FGL2: variants seen among roughly 807,000 people sequenced by gnomAD.
FGL2 encodes fibroleukin.
Under a neutral mutation model 36.0 loss-of-function variants are expected in FGL2, and 21 were observed. That is an observed-to-expected ratio of 0.58 (90% CI 0.41 to 0.84). FGL2 has a LOEUF of 0.84. Among genes scored for constraint, FGL2 ranks in the 40% least tolerant of loss-of-function variants. The probability of loss-of-function intolerance (pLI) is 0.00; values close to 1 mark genes in which losing one functional copy is unlikely to be tolerated. For missense variants in FGL2, 444 were observed against 526.3 expected (o/e 0.84, Z 1.53); for synonymous variants, 183 against 190.7 (o/e 0.96, Z 0.33).
chr7:77,197,081 A>G, intron 1 of FGL2, 96 bp from the exon 2 acceptor site: 1 of 751,896 alleles, frequency 1.3e-6, no homozygotes, highest in Non-Finnish European at 2.2e-6. Context: ...TGATAATTGA[A>G]TCAATGGCAG....
intron 1 of FGL2, 29 bp downstream of exon 1, chr7:77,199,152 A>G (rs762561756): frequency 6.3e-7 from 1 of 1,579,720 alleles, no homozygotes; most frequent in Non-Finnish European, 8.6e-7. Flanking sequence ...ATTTATGAAC[A>G]TATGATAAGA....
In FGL2 at chr7:77,196,205, G is replaced by T; in HGVS notation, c.*74C>A. 9.6e-7 allele frequency: 1 copy of T among 1,043,072 alleles called. No individual in the cohort carries two copies. 64.6% of individuals were successfully genotyped at this position (1,043,072 alleles called of 1,614,324 possible). On this transcript the variant is annotated 3_prime_UTR_variant, in exon 2 of 2. Coordinates refer to ENST00000248598, the MANE Select transcript of FGL2 (RefSeq NM_006682.3). The surrounding 1 kb of genome is among the most constrained non-coding windows in gnomAD (Gnocchi z 4.2). ...TTTAGCTATGAAAAATATGAAACAAGGCATATTCTAAAGTGCTGAAGGAAT... is the reference window on the plus strand; with the variant it reads ...TTTAGCTATGAAAAATATGAAACAATGCATATTCTAAAGTGCTGAAGGAAT...
chr7:77,199,607 G>T lies in FGL2; in HGVS notation c.187C>A (p.Pro63Thr). The change falls in exon 1 of 2, where the codon CCC becomes ACC. Residue 63 changes from proline to threonine, a missense_variant. Physicochemically the swap from Pro to Thr is conservative, Grantham distance 38. Transcript: ENST00000248598. ...TGCTTCGGGAGCTGAATAGTCAAGG[G>T]GGGCAGGCTTACCTGGTAGGGGCAC... ...GECPYQVSLP[P>T]LTIQLPKQFS... is the part of the protein sequence containing the mutation. 2.5e-6 allele frequency: 4 copies of T among 1,614,146 alleles called. No homozygotes were observed. The highest frequency in any genetic ancestry group is 3.4e-6 in the Non-Finnish European group (4 of 1,180,018).
At chr7:77,197,969 A>G (rs1225147495) in intron 1 of FGL2, among the ~76,000 whole-genome samples, 1 of 152,204 alleles carries the variant, frequency 6.6e-6, no homozygotes, top group East Asian at 1.9e-4. Context: ...AATATGAGAT[A>G]CCCTAAGGCA....
intron 1 of FGL2, chr7:77,198,364 A>C: frequency 1.0e-6 from 1 of 967,848 alleles, no homozygotes; most frequent in African/African-American, 1.8e-5. Context: ...AGTATGAGAC[A>C]GTCAGCAACA....
At chr7:77,198,883 C>T (rs1191768175) in intron 1 of FGL2, 1 of 442,934 alleles carries the variant, frequency 2.3e-6, no homozygotes, top group Non-Finnish European at 4.0e-6. Context: ...AAGTTAAATG[C>T]ACTAAAACAT....
Position 77,199,277 on chromosome 7 carries a change from CAT to C in FGL2, c.515_516del (p.Tyr172CysfsTer2). On this transcript the variant is annotated frameshift_variant, in exon 1 of 2. Transcript: ENST00000248598. LOFTEE classifies it high-confidence loss of function. ...NLVNMNNIENYVDSKVANLTF... is the reference protein window; with the variant it reads ...NLVNMNNIENXVDSKVANLTF... The stretch of plus-strand genomic sequence containing the variant: ...GTTAGATTTGCCACTTTGCTGTCAA[CAT>C]AATTTTCTATGTTGTTCATATTTAC... The C allele has an allele frequency of 6.2e-7, 1 of 1,614,112 alleles. No homozygotes were observed. The highest frequency in any genetic ancestry group is 8.5e-7 in the Non-Finnish European group (1 of 1,179,980).
In FGL2 at chr7:77,196,965, CTT is replaced by C; in HGVS notation, c.632_633del (p.Lys211ArgfsTer4). 1 of 1,605,444 alleles carries C rather than the reference CTT, an allele frequency of 6.2e-7. No homozygotes were observed. Among genetic ancestry groups the C allele is most frequent in the Non-Finnish European group, 8.5e-7 (1 of 1,175,280 alleles). ...QSRPVQHLIY[K>X]DCSDYYAIGK... is the part of the protein sequence containing the mutation. ...CCTATTGCGTAGTAGTCAGAGCAAT[CTT>C]TATATATTAGATGTTGAACTGAAGG... On this transcript the variant is annotated frameshift_variant, in exon 2 of 2. Coordinates refer to ENST00000248598, the MANE Select transcript of FGL2 (RefSeq NM_006682.3). LOFTEE classifies it high-confidence loss of function. This position sits in a 1 kb window ranked among gnomAD's most constrained non-coding sequence, Gnocchi z 4.2.
In FGL2 at chr7:77,193,489, G is replaced by T. The variant is rs1791808466; in HGVS notation, c.*2790C>A. On this transcript the variant is annotated 3_prime_UTR_variant, in exon 2 of 2. Transcript: ENST00000248598. The stretch of plus-strand genomic sequence containing the variant: ...AAACCTAATTATACATAAAAGAAAA[G>T]AATTTTAAACAAGAGCTTATTGTGA... The T allele has an allele frequency of 2.0e-5, 3 of 152,080 alleles. No individual in the cohort carries two copies. The highest frequency in any genetic ancestry group is 2.0e-4 in the Admixed American group (3 of 15,282). 9.4% of individuals were successfully genotyped at this position (152,080 alleles called of 1,614,324 possible). A position where few individuals can be genotyped will look rare whatever the true frequency, so the allele number is the denominator to read the frequency against.
Position 77,196,305 on chromosome 7 carries a change from T to G in FGL2, c.1294A>C (p.Ile432Leu), listed in dbSNP as rs1439023889. ...KSSFKEAKMM[I>L]RPKHFKP Reference sequence around the variant, plus strand: ...TATGGCTTAAAGTGCTTGGGTCTGATCATCATCTTAGCCTCTTTGAAGGAG... The same window carrying G: ...TATGGCTTAAAGTGCTTGGGTCTGAGCATCATCTTAGCCTCTTTGAAGGAG... The change falls in exon 2 of 2, where the codon ATC (isoleucine) becomes CTC (leucine). Residue 432 changes from isoleucine (I) to leucine (L), a missense_variant. Physicochemically the swap from Ile to Leu is conservative, Grantham distance 5. Coordinates refer to ENST00000248598, the MANE Select transcript of FGL2 (RefSeq NM_006682.3). The surrounding 1 kb of genome is among the most constrained non-coding windows in gnomAD (Gnocchi z 4.2). 22 of 1,613,832 alleles carry G rather than the reference T, an allele frequency of 1.4e-5. No homozygotes were observed. Among genetic ancestry groups the G allele is most frequent in the Non-Finnish European group, 1.8e-5 (21 of 1,179,938 alleles).
In FGL2 at chr7:77,199,579, A is replaced by T; in HGVS notation, c.215T>A (p.Phe72Tyr). The stretch of plus-strand genomic sequence containing the variant: ...TTTGAACACCTCCTCGATCCTGCTG[A>T]ATTGCTTCGGGAGCTGAATAGTCAA... ...PPLTIQLPKQ[F>Y]SRIEEVFKEV... Residue 72 changes from phenylalanine to tyrosine, a missense_variant, in exon 1 of 2, where the codon TTC (phenylalanine) becomes TAC (tyrosine). Transcript: ENST00000248598. 6.2e-7 allele frequency: 1 copy of T among 1,614,102 alleles called. No individual in the cohort carries two copies. Among genetic ancestry groups the T allele is most frequent in the Non-Finnish European group, 8.5e-7 (1 of 1,180,016 alleles).
rs374948665 is a variant in FGL2 at position 77,195,399 on chromosome 7, G to A, written c.*880C>T. ...ACATTATGCTACCACATTTTTAAAC[G>A]GTTTAAATGACAAGTATTTTATATT... On this transcript the variant is annotated 3_prime_UTR_variant, in exon 2 of 2. Coordinates refer to ENST00000248598, the MANE Select transcript of FGL2 (RefSeq NM_006682.3). The A allele has an allele frequency of 2.0e-5, 3 of 151,970 alleles. No homozygotes were observed. Among genetic ancestry groups the A allele is most frequent in the Non-Finnish European group, 2.9e-5 (2 of 68,000 alleles). 9.4% of individuals were successfully genotyped at this position (151,970 alleles called of 1,614,324 possible). A position where few individuals can be genotyped will look rare whatever the true frequency, so the allele number is the denominator to read the frequency against.
In FGL2 at chr7:77,197,003, G is replaced by A. The variant is rs1182220748; in HGVS notation, c.614-18C>T. Reference sequence around the variant, plus strand: ...ATGTTGAACTGAAGGGGAAATAAAAGGAAGGCATTGGATCTTGTTAATAGA... The same window carrying A: ...ATGTTGAACTGAAGGGGAAATAAAAAGAAGGCATTGGATCTTGTTAATAGA... On this transcript the variant is annotated intron_variant, in intron 1 of 1. Coordinates refer to ENST00000248598, the MANE Select transcript of FGL2 (RefSeq NM_006682.3). 1.4e-6 allele frequency: 2 copies of A among 1,433,056 alleles called. No homozygotes were observed. Among genetic ancestry groups the A allele is most frequent in the Non-Finnish European group, 1.9e-6 (2 of 1,034,210 alleles). The allele number at this position is 1,433,056 out of a possible 1,614,324, so 88.8% of individuals were successfully genotyped here.
At chr7:77,198,423 C>T in intron 1 of FGL2, 2 of 459,522 alleles carry the variant, frequency 4.4e-6, no homozygotes, top group Non-Finnish European at 5.7e-6. Context: ...GAGTCAATAC[C>T]ACTGTTAGTT....
Position 77,196,849 on chromosome 7 carries a change from G to T in FGL2, c.750C>A (p.Gly250=). The change falls in exon 2 of 2, where the codon GGC becomes GGA. Residue 250 remains glycine (G), a synonymous_variant. Transcript: ENST00000248598. The surrounding 1 kb of genome is among the most constrained non-coding windows in gnomAD (Gnocchi z 4.2). ...CGAGACGTGCCTGCAGCACTGTCCA[G>T]CCTCCCCCCATGGTCTCCATGTCAC... The part of the protein sequence containing the change: ...VYCDMETMGG[G]WTVLQARLDG... The T allele has an allele frequency of 6.2e-7, 1 of 1,613,768 alleles. No homozygotes were observed. The highest frequency in any genetic ancestry group is 8.5e-7 in the Non-Finnish European group (1 of 1,179,940).
chr7:77,198,148 T>C, intron 1 of FGL2: 1 of 985,450 alleles, frequency 1.0e-6, no homozygotes, highest in Non-Finnish European at 1.2e-6. Context: ...GGATTCGCAG[T>C]GTGCCAGGTA....
chr7:77,198,614 T>C (rs1375840744), intron 1 of FGL2: 1 of 152,798 alleles, frequency 6.5e-6, no homozygotes, highest in Non-Finnish European at 1.5e-5. Flanking sequence ...CCCCTTAAAA[T>C]ATTTTTTGTG....
In FGL2 at chr7:77,196,704, T is replaced by G. The variant is rs762149169; in HGVS notation, c.895A>C (p.Ile299Leu). The G allele has an allele frequency of 2.5e-6, 4 of 1,614,088 alleles. No homozygotes were observed. In the African/African-American group the frequency reaches 4.0e-5, roughly 16 times the overall value. ...IHLLTKSKEM[I>L]LRIDLEDFNG... ...AAGTCTTCAAGATCTATTCTCAGAATCATTTCCTTACTCTTGGTCAGAAGA... is the reference window on the plus strand; with the variant it reads ...AAGTCTTCAAGATCTATTCTCAGAAGCATTTCCTTACTCTTGGTCAGAAGA... The change falls in exon 2 of 2, where the codon ATT becomes CTT. Residue 299 changes from isoleucine to leucine, a missense_variant. Ile to Leu is a conservative substitution (Grantham distance 5). Coordinates refer to ENST00000248598, the MANE Select transcript of FGL2 (RefSeq NM_006682.3). This position sits in a 1 kb window ranked among gnomAD's most constrained non-coding sequence, Gnocchi z 4.2.
Position 77,196,829 on chromosome 7 carries a change from C to T in FGL2, c.770G>A (p.Arg257His), listed in dbSNP as rs374306688. 22 of 1,613,976 alleles carry T rather than the reference C, an allele frequency of 1.4e-5. No homozygotes were observed. Among genetic ancestry groups the T allele is most frequent in the East Asian group, 2.2e-5 (1 of 44,888 alleles). ...GGTGAAGTTGGTGCTCCCATCGAGA[C>T]GTGCCTGCAGCACTGTCCAGCCTCC... ...MGGGWTVLQA[R>H]LDGSTNFTRT... The change falls in exon 2 of 2, where the codon CGT becomes CAT. Residue 257 changes from arginine (R) to histidine (H), a missense_variant. Physicochemically the swap from Arg to His is conservative, Grantham distance 29 (BLOSUM62 0). Coordinates refer to ENST00000248598, the MANE Select transcript of FGL2 (RefSeq NM_006682.3). This position sits in a 1 kb window ranked among gnomAD's most constrained non-coding sequence, Gnocchi z 4.2.
Sources: allele counts gnomAD v4.1 joint callset (sites outside exome capture counted in the v4.1 genomes callset), GRCh38; gene constraint gnomAD v4.1.1; non-coding constraint Gnocchi (gnomAD v3.1); transcripts MANE v1.5; gene names NCBI Gene and HGNC (gene_info 2026-07-23, HGNC 2026-07-21).